Variants in TXNDC11 observed in about 807,000 individuals in gnomAD.
TXNDC11 encodes the protein thioredoxin domain-containing protein 11.
A neutral mutation model predicts 78.0 loss-of-function variants in TXNDC11; 68 were observed. The ratio of observed to expected loss-of-function variants is 0.87; its 90% CI spans 0.72 to 1.07. The LOEUF is 1.07. Ranked by LOEUF, TXNDC11 falls within the 50% of genes least tolerant of loss-of-function variation. TXNDC11 has a pLI of 0.00. For missense variants in TXNDC11, 1,389 were observed against 1,221.8 expected, an observed-to-expected ratio of 1.14 and a Z score of -2.04; for synonymous variants, 571 against 495.2, an observed-to-expected ratio of 1.15 and a Z score of -2.03.
chr16:11,720,614 G>A (rs566336484), intron 5 of TXNDC11, among the ~76,000 whole-genome samples: 16 of 151,894 alleles, frequency 1.1e-4, no homozygotes, highest in Non-Finnish European at 2.2e-4. Flanking sequence ...ACGGGGTTTC[G>A]TCATGTTGGC....
chr16:11,694,329 G>A (rs1471356779), intron 7 of TXNDC11, among the ~76,000 whole-genome samples: 1 of 151,858 alleles, frequency 6.6e-6, no homozygotes, highest in Non-Finnish European at 1.5e-5. Flanking sequence ...TAGGAGAGAC[G>A]AGATTTCACC....
Position 11,691,898 on chromosome 16 carries a change from T to G in TXNDC11, c.1292A>C (p.Gln431Pro), listed in dbSNP as rs774490194. 1.2e-6 allele frequency: 2 copies of G among 1,614,132 alleles called. No individual in the cohort carries two copies. The highest frequency in any genetic ancestry group is 2.2e-5 in the South Asian group (2 of 91,078). ...SPCCNTVVLP[Q>P]WHSFSRTHNV... ...GTGGGTCCTGGAGAAGGAGTGCCACTGGGGCAGCACCACAGTGTTGCAGCA... is the reference window on the plus strand; with the variant it reads ...GTGGGTCCTGGAGAAGGAGTGCCACGGGGGCAGCACCACAGTGTTGCAGCA... Residue 431 changes from glutamine to proline, a missense_variant, in exon 8 of 12, where the codon CAG (glutamine) becomes CCG (proline). Coordinates refer to ENST00000283033, the MANE Select transcript of TXNDC11 (RefSeq NM_015914.7).
At chr16:11,737,498 C>G (rs1429779469) in intron 1 of TXNDC11, among the ~76,000 whole-genome samples, 3 of 151,164 alleles carry the variant, frequency 2.0e-5, no homozygotes, top group Non-Finnish European at 4.4e-5. Context: ...GAACAAAAGC[C>G]AGACGGTACA....
intron 4 of TXNDC11, 25 bp downstream of exon 4, chr16:11,730,620 A>C: frequency 6.2e-7 from 1 of 1,610,966 alleles, no homozygotes; most frequent in Non-Finnish European, 8.5e-7. Flanking sequence ...TTGAGTATGG[A>C]GGAGGAGATA....
chr16:11,701,836 G>T (rs1176714117), intron 5 of TXNDC11, among the ~76,000 whole-genome samples: 1 of 152,130 alleles, frequency 6.6e-6, no homozygotes, highest in African/African-American at 2.4e-5. Flanking sequence ...AGCCACTCAG[G>T]AAAGCAGCTG....
At chr16:11,688,266 A>G (rs959579387) in intron 9 of TXNDC11, 37 bp downstream of exon 9, 1 of 1,604,066 alleles carries the variant, frequency 6.2e-7, no homozygotes, top group African/African-American at 1.3e-5. Flanking sequence ...TTTAAGAGGG[A>G]CAGATGGCTT....
intron 4 of TXNDC11, among the ~76,000 whole-genome samples, chr16:11,727,025 C>G (rs967747316): frequency 6.6e-6 from 1 of 152,100 alleles, no homozygotes; most frequent in Admixed American, 6.5e-5. Context: ...TGCACTCCAG[C>G]CTGGGAGACA....
chr16:11,716,587 G>C (rs1030945330), intron 5 of TXNDC11, among the ~76,000 whole-genome samples: 1 of 152,164 alleles, frequency 6.6e-6, no homozygotes, highest in African/African-American at 2.4e-5. Context: ...ACATTAATGA[G>C]AGATATGTAA....
At chr16:11,700,644 A>T in intron 5 of TXNDC11, 80 bp from the exon 6 acceptor site, 1 of 689,280 alleles carries the variant, frequency 1.5e-6, no homozygotes, top group Non-Finnish European at 2.6e-6. Flanking sequence ...CAAGTCTTGA[A>T]GCACAAACCC....
chr16:11,735,621 T>C (rs1221152953), intron 2 of TXNDC11, among the ~76,000 whole-genome samples: 1 of 152,224 alleles, frequency 6.6e-6, no homozygotes, highest in Non-Finnish European at 1.5e-5. Flanking sequence ...CTGGTCCATA[T>C]ATTAAAAAGG....
Position 11,700,398 on chromosome 16 carries a change from T to C in TXNDC11, c.906+54A>G, listed in dbSNP as rs189571118. 8.6e-4 allele frequency: 711 copies of C among 830,428 alleles called. 4 individuals carry two copies. The African/African-American group carries it at 0.011, about 13-fold the overall frequency. The allele number at this position is 830,428 out of a possible 1,614,324, so 51.4% of individuals were successfully genotyped here. A position where few individuals can be genotyped will look rare whatever the true frequency, so the allele number is the denominator to read the frequency against. On this transcript the variant is annotated intron_variant, in intron 6 of 11. Coordinates refer to ENST00000283033, the MANE Select transcript of TXNDC11 (RefSeq NM_015914.7). Reference sequence around the variant, plus strand: ...CCAATTCTCAAAGGAGTCTGTGACCTAAACAAGGTTAAGAACCACTGCGCT... The same window carrying C: ...CCAATTCTCAAAGGAGTCTGTGACCCAAACAAGGTTAAGAACCACTGCGCT...
chr16:11,713,110 G>GA (rs35333554), intron 5 of TXNDC11, among the ~76,000 whole-genome samples: 25,435 of 111,568 alleles, frequency 0.23, 3,550 homozygotes, highest in East Asian at 0.42. Flanking sequence ...TCTGTCTCAG[G>GA]AAAAAAAAAA....
At chr16:11,685,399 A>G (rs2050538882) in intron 10 of TXNDC11, among the ~76,000 whole-genome samples, 1 of 151,974 alleles carries the variant, frequency 6.6e-6, no homozygotes, top group South Asian at 2.1e-4. Flanking sequence ...TAATCCCAGC[A>G]CTTTAGGAGG....
intron 7 of TXNDC11, among the ~76,000 whole-genome samples, chr16:11,696,447 G>T (rs952118472): frequency 1.3e-5 from 2 of 152,188 alleles, no homozygotes; most frequent in African/African-American, 4.8e-5. Flanking sequence ...TACTGGACAA[G>T]CCTCTAAGAC....
intron 8 of TXNDC11, 105 bp downstream of exon 8, chr16:11,691,184 GT>G (rs1465863745): frequency 2.1e-4 from 195 of 941,196 alleles, no homozygotes; most frequent in Non-Finnish European, 2.9e-4. Context: ...AGCTACGAAG[GT>G]GACATCACCC....
chr16:11,720,055 G>A (rs1454824040), intron 5 of TXNDC11, among the ~76,000 whole-genome samples: 1 of 152,198 alleles, frequency 6.6e-6, no homozygotes, highest in Non-Finnish European at 1.5e-5. Flanking sequence ...GCAGACTGGA[G>A]TGGTAACAAA....
chr16:11,692,413 C>A (rs2050746273), intron 7 of TXNDC11, among the ~76,000 whole-genome samples: 1 of 151,950 alleles, frequency 6.6e-6, no homozygotes, highest in Non-Finnish European at 1.5e-5. Context: ...TTCAAGTAAC[C>A]CTTTATTTAT....
Position 11,679,863 on chromosome 16 carries a change from A to G in TXNDC11, c.2235-26T>C, listed in dbSNP as rs1202069102. The G allele has an allele frequency of 6.3e-7, 1 of 1,588,770 alleles. No individual in the cohort carries two copies. The highest frequency in any genetic ancestry group is 8.6e-7 in the Non-Finnish European group (1 of 1,164,054). The stretch of plus-strand genomic sequence containing the variant: ...CTGGAGAGAGAGGGAAAGGAAGCAA[A>G]GACAGGAGTCACACCAACACAATGA... On this transcript the variant is annotated intron_variant, in intron 11 of 11. Coordinates refer to ENST00000283033, the MANE Select transcript of TXNDC11 (RefSeq NM_015914.7). The surrounding 1 kb of genome is among the most constrained non-coding windows in gnomAD (Gnocchi z 4.6).
chr16:11,710,160 G>T (rs908757652), intron 5 of TXNDC11, among the ~76,000 whole-genome samples: 1 of 151,316 alleles, frequency 6.6e-6, no homozygotes, highest in African/African-American at 2.4e-5. Context: ...AAAATAAAAT[G>T]ATCAATTGAA....
Sources: allele counts gnomAD v4.1 joint callset (sites outside exome capture counted in the v4.1 genomes callset), GRCh38; gene constraint gnomAD v4.1.1; non-coding constraint Gnocchi (gnomAD v3.1); transcripts MANE v1.5; gene names NCBI Gene and HGNC (gene_info 2026-07-23, HGNC 2026-07-21).